PTPRT: variants seen among roughly 807,000 people sequenced by gnomAD.
PTPRT encodes protein tyrosine phosphatase receptor type T.
In PTPRT, 56 loss-of-function variants were observed where a neutral mutation model predicts 176.8. The ratio of observed to expected loss-of-function variants is 0.32; its 90% CI spans 0.26 to 0.40. The LOEUF (loss-of-function observed/expected upper bound fraction) is 0.40, where lower values mean the gene tolerates loss of function less well. Among genes scored for constraint, PTPRT ranks in the 10% least tolerant of loss-of-function variants. The pLI is 1.00. For missense variants in PTPRT, 1,540 were observed against 1,908.2 expected (o/e 0.81, Z 3.60); for synonymous variants, 783 against 739.0 (o/e 1.06, Z -0.96).
chr20:42,055,404 G>A, the PTPRT span, among the ~76,000 whole-genome samples: 6 of 152,288 alleles, frequency 3.9e-5, no homozygotes, highest in South Asian at 2.1e-4. Flanking sequence ...GACTCAATTC[G>A]GGTCTAGGTT....
rs559385285 is a variant in PTPRT, at chr20:42,461,804, T to C, written c.1450+10462A>G. ...TTGGTTGAATGGATTCAAGAACAAA[T>C]AGAAAGAATGGATGCATAAGGAGGG... On this transcript the variant is annotated intron_variant, in intron 8 of 30. Transcript: ENST00000373187. Among the ~76,000 whole-genome samples the C allele has an allele frequency of 3.3e-5, 5 of 151,956 alleles. No homozygotes were observed. The South Asian group carries it at 1.0e-3, about 32-fold the overall frequency.
chr20:42,629,126 C>T (rs1424004222), intron 7 of PTPRT, among the ~76,000 whole-genome samples: 1 of 151,486 alleles, frequency 6.6e-6, no homozygotes, highest in Non-Finnish European at 1.5e-5. Flanking sequence ...ACATATATTA[C>T]TTAGTAAGTA....
At chr20:42,774,375 G>A (rs979636351) in intron 4 of PTPRT, among the ~76,000 whole-genome samples, 3 of 152,190 alleles carry the variant, frequency 2.0e-5, no homozygotes, top group African/African-American at 7.2e-5. Flanking sequence ...GGGAACTGGA[G>A]AGAGACTCTG....
intron 9 of PTPRT, among the ~76,000 whole-genome samples, chr20:42,387,860 T>C (rs2425480): frequency 0.93 from 141,432 of 151,294 alleles, 66,211 homozygotes; most frequent in East Asian, 1. Context: ...GGCGCAATCT[T>C]GGCTCACTGA....
chr20:42,442,350 T>C (rs888805530), intron 9 of PTPRT, among the ~76,000 whole-genome samples: 1 of 152,182 alleles, frequency 6.6e-6, no homozygotes, highest in Non-Finnish European at 1.5e-5. Flanking sequence ...GAAAAAAATA[T>C]TGACAAACCC....
At chr20:42,120,000 G>A (rs1568949226) in intron 19 of PTPRT, 29 bp from the exon 20 acceptor site, 4 of 1,595,674 alleles carry the variant, frequency 2.5e-6, no homozygotes, top group Non-Finnish European at 3.4e-6. Flanking sequence ...GCACTGTGAA[G>A]AGTCTGTTGT....
chr20:42,375,205 TTA>T (rs1437335063), intron 9 of PTPRT, among the ~76,000 whole-genome samples: 1 of 152,154 alleles, frequency 6.6e-6, no homozygotes, highest in Non-Finnish European at 1.5e-5. Flanking sequence ...CATGTCTGTG[TTA>T]TATCCAACAA....
intron 7 of PTPRT, among the ~76,000 whole-genome samples, chr20:42,508,515 T>G (rs1028317612): frequency 1.3e-5 from 2 of 152,132 alleles, no homozygotes; most frequent in African/African-American, 4.8e-5. Flanking sequence ...AGTAATTACA[T>G]TTAACAAAAA....
chr20:42,445,363 C>T (rs6030248), intron 9 of PTPRT, among the ~76,000 whole-genome samples: 1 of 151,944 alleles, frequency 6.6e-6, no homozygotes, highest in Non-Finnish European at 1.5e-5. Flanking sequence ...TTATTATTAC[C>T]TTGATTTTTC....
At chr20:42,445,431 G>T (rs111284480) in intron 9 of PTPRT, among the ~76,000 whole-genome samples, 6 of 152,196 alleles carry the variant, frequency 3.9e-5, no homozygotes, top group African/African-American at 1.4e-4. Flanking sequence ...CACAGAGCAA[G>T]TAAATGTCAG....
chr20:42,723,544 T>C (rs2076334244), intron 6 of PTPRT, among the ~76,000 whole-genome samples: 1 of 152,168 alleles, frequency 6.6e-6, no homozygotes, highest in African/African-American at 2.4e-5. Flanking sequence ...CTGTGGTCTA[T>C]CCTCAGGGGC....
intron 1 of PTPRT, among the ~76,000 whole-genome samples, chr20:43,016,888 T>C (rs1250000672): frequency 6.6e-6 from 1 of 152,072 alleles, no homozygotes; most frequent in African/African-American, 2.4e-5. Flanking sequence ...TCTGTCAGTC[T>C]CTCATTCTCT....
At chr20:42,276,560 AT>A in intron 13 of PTPRT, among the ~76,000 whole-genome samples, 1 of 61,312 alleles carries the variant, frequency 1.6e-5, no homozygotes, top group African/African-American at 5.3e-5. Flanking sequence ...TATATATATA[AT>A]GTTCTTGAAT....
chr20:42,099,477 T>A (rs1208552508), intron 26 of PTPRT, among the ~76,000 whole-genome samples: 1 of 135,416 alleles, frequency 7.4e-6, no homozygotes, highest in African/African-American at 2.9e-5. Context: ...GCCACTCCAG[T>A]GAATAAAACA....
At position 42,455,462 on chromosome 20, in the gene PTPRT, C is replaced by A. The variant is rs189601737; in HGVS notation, c.1451-7133G>T. 4.6e-5 allele frequency among the ~76,000 whole-genome samples: 7 copies of A among 152,268 alleles called. No individual in the cohort carries two copies. The East Asian group carries it at 1.4e-3, about 29-fold the overall frequency. The stretch of plus-strand genomic sequence containing the variant: ...ACTACTTCCATTTGTATCCTTATCT[C>A]AGGGTCTGCTTCTGAATAAACCCAC... On this transcript the variant is annotated intron_variant, in intron 8 of 30. Transcript: ENST00000373187.
At chr20:42,406,317 G>T (rs2058960471) in intron 9 of PTPRT, among the ~76,000 whole-genome samples, 1 of 151,694 alleles carries the variant, frequency 6.6e-6, no homozygotes, top group South Asian at 2.1e-4. Context: ...AAATAAGAGA[G>T]TATAACATAT....
intron 1 of PTPRT, among the ~76,000 whole-genome samples, chr20:43,164,902 G>A (rs2014813095): frequency 6.6e-6 from 1 of 152,136 alleles, no homozygotes; most frequent in African/African-American, 2.4e-5. Context: ...ACAGGCAGCA[G>A]GCCAGATCTG....
chr20:42,569,345 G>T (rs1471581609), intron 7 of PTPRT, among the ~76,000 whole-genome samples: 1 of 151,826 alleles, frequency 6.6e-6, no homozygotes, highest in African/African-American at 2.4e-5. Context: ...GGACAGTCCT[G>T]CCTTATTCTT....
chr20:42,218,812 GGGACAA>G (rs1169023866), intron 15 of PTPRT, among the ~76,000 whole-genome samples: 1 of 152,192 alleles, frequency 6.6e-6, no homozygotes, highest in African/African-American at 2.4e-5. Context: ...CCGGCTGTGT[GGGACAA>G]GTCTTGCAAA....
Sources: gnomAD v4.1 joint callset for allele counts (sites outside exome capture counted in the v4.1 genomes callset) on GRCh38, gnomAD v4.1.1 for gene constraint, MANE v1.5 for transcripts, NCBI Gene and HGNC (gene_info 2026-07-23, HGNC 2026-07-21) for gene names.